The following MCPH1 variants were observed in gnomAD, a reference collection of about 807,000 sequenced individuals.
The protein encoded by MCPH1 is microcephalin.
In MCPH1, 104 loss-of-function variants were observed where a neutral mutation model predicts 84.5. That is an observed-to-expected ratio of 1.23 (90% CI 1.05 to 1.45). The LOEUF is 1.45. Among genes scored for constraint, MCPH1 ranks in the 40% most tolerant of loss-of-function variants. MCPH1 has a pLI of 0.00. For synonymous variants in MCPH1, 514 were observed against 366.8 expected, an observed-to-expected ratio of 1.40 and a Z score of -4.58; for missense variants, 1,498 against 1,005.7, an observed-to-expected ratio of 1.49 and a Z score of -6.62.
chr8:6,438,308 T>A (rs17076868), intron 5 of MCPH1, among the ~76,000 whole-genome samples: 2,124 of 152,288 alleles, frequency 0.014, 32 homozygotes, highest in African/African-American at 0.041. Context: ...AGAACTACAG[T>A]AAGGGTGATT....
chr8:6,428,713 A>T (rs923016651), intron 3 of MCPH1, among the ~76,000 whole-genome samples: 11 of 152,168 alleles, frequency 7.2e-5, no homozygotes, highest in African/African-American at 2.4e-4. Context: ...TTTATGGTGG[A>T]ATCATGTTCC....
intron 12 of MCPH1, among the ~76,000 whole-genome samples, chr8:6,588,341 CTTT>C (rs34760446): frequency 4.6e-4 from 68 of 148,882 alleles, no homozygotes; most frequent in African/African-American, 1.5e-3. Flanking sequence ...TCACTTAAAA[CTTT>C]TTTTTTTTTT....
chr8:6,570,351 T>C (rs1826551919), intron 12 of MCPH1, among the ~76,000 whole-genome samples: 1 of 152,204 alleles, frequency 6.6e-6, no homozygotes, highest in African/African-American at 2.4e-5. Flanking sequence ...GAATTCCCCT[T>C]TGTACAAGGT....
intron 11 of MCPH1, among the ~76,000 whole-genome samples, chr8:6,487,913 T>G (rs991931593): frequency 6.6e-6 from 1 of 152,206 alleles, no homozygotes; most frequent in Non-Finnish European, 1.5e-5. Context: ...TGGGCAAAAA[T>G]AGCTTGTCTG....
chr8:6,414,443 C>A (rs755708623), intron 2 of MCPH1, among the ~76,000 whole-genome samples: 6 of 152,184 alleles, frequency 3.9e-5, no homozygotes, highest in Non-Finnish European at 8.8e-5. Flanking sequence ...CCATTATTAT[C>A]TGACTCTTTC....
intron 11 of MCPH1, among the ~76,000 whole-genome samples, chr8:6,493,516 T>C (rs1810891827): frequency 6.6e-6 from 1 of 152,332 alleles, no homozygotes; most frequent in South Asian, 2.1e-4. Context: ...TTCCCTTTCT[T>C]GGTTGAATAG....
intron 13 of MCPH1, 105 bp downstream of exon 13, chr8:6,621,796 C>A: frequency 6.7e-7 from 1 of 1,488,658 alleles, no homozygotes. Context: ...AGCTGGGGCA[C>A]CTGGGTTGAT....
At chr8:6,623,129 A>G (rs2129580999) in intron 13 of MCPH1, among the ~76,000 whole-genome samples, 1 of 150,442 alleles carries the variant, frequency 6.6e-6, no homozygotes, top group Non-Finnish European at 1.5e-5. Flanking sequence ...CTGGGATTAC[A>G]GGTGTGAGCC....
intron 8 of MCPH1, among the ~76,000 whole-genome samples, chr8:6,451,286 T>C (rs912866528): frequency 1.3e-5 from 2 of 152,226 alleles, no homozygotes; most frequent in Admixed American, 6.5e-5. Flanking sequence ...GATTCATTCA[T>C]TCATTTACAT....
chr8:6,635,898 G>A (rs1797512655), intron 13 of MCPH1, among the ~76,000 whole-genome samples: 1 of 152,260 alleles, frequency 6.6e-6, no homozygotes. Context: ...TTCAGCAGCT[G>A]ATTGCGGTCT....
rs143393335 is a variant in MCPH1 at position 6,444,713 on chromosome 8, C to T, written c.991C>T (p.Arg331Cys). The T allele has an allele frequency of 2.5e-5, 41 of 1,613,908 alleles. No individual in the cohort carries two copies. The highest frequency in any genetic ancestry group is 1.3e-4 in the African/African-American group (10 of 74,910). Residue 331 changes from arginine (R) to cysteine (C), a missense_variant, in exon 8 of 14, where the codon CGT becomes TGT. Physicochemically the swap from Arg to Cys is radical, Grantham distance 180. Coordinates refer to ENST00000344683, the MANE Select transcript of MCPH1 (RefSeq NM_024596.5). ...MSQETFEEKY[R>C]LSPTLSSTKG... is the part of the protein sequence containing the mutation. ...TCAGGAGACGTTTGAAGAGAAGTAT[C>T]GTTTGTCTCCTACCTTATCTTCAAC...
intron 11 of MCPH1, among the ~76,000 whole-genome samples, chr8:6,485,059 G>T (rs563500942): frequency 6.6e-6 from 1 of 152,290 alleles, no homozygotes; most frequent in African/African-American, 2.4e-5. Flanking sequence ...GGGTGCAGTG[G>T]CTCATGCCTG....
At chr8:6,584,468 T>C (rs1245714788) in intron 12 of MCPH1, among the ~76,000 whole-genome samples, 1 of 152,210 alleles carries the variant, frequency 6.6e-6, no homozygotes, top group Non-Finnish European at 1.5e-5. Flanking sequence ...TTTGTTATTT[T>C]AATCTCTGCT....
At chr8:6,577,080 C>T (rs1827187165) in intron 12 of MCPH1, among the ~76,000 whole-genome samples, 1 of 152,196 alleles carries the variant, frequency 6.6e-6, no homozygotes, top group Admixed American at 6.5e-5. Flanking sequence ...GCAAGATACT[C>T]CTTTCAGTCC....
chr8:6,491,086 G>A (rs1810516246), intron 11 of MCPH1, among the ~76,000 whole-genome samples: 1 of 149,956 alleles, frequency 6.7e-6, no homozygotes, highest in Non-Finnish European at 1.5e-5. Context: ...TACTTTTGAA[G>A]CATTGGTTTT....
chr8:6,505,709 G>T (rs1262063226), intron 12 of MCPH1, among the ~76,000 whole-genome samples: 1 of 80,638 alleles, frequency 1.2e-5, no homozygotes. Flanking sequence ...TCTTTATTAC[G>T]TATATATATT....
intron 12 of MCPH1, among the ~76,000 whole-genome samples, chr8:6,617,900 A>ATCTAATCTATCTATCTATCTATCTATCT (rs1554480975): frequency 1.4e-5 from 2 of 143,014 alleles, no homozygotes; most frequent in African/African-American, 5.3e-5. Flanking sequence ...CTATCTATCT[A>ATCTAATCTATCTATCTATCTATCTATCT]ATCTATCTAT....
intron 5 of MCPH1, among the ~76,000 whole-genome samples, chr8:6,438,114 T>C (rs184940685): frequency 1.3e-5 from 2 of 152,382 alleles, no homozygotes; most frequent in Admixed American, 6.5e-5. Flanking sequence ...CACTCTCCTA[T>C]AATTCTTTAT....
intron 7 of MCPH1, 37 bp from the exon 8 acceptor site, chr8:6,444,356 C>T (rs1157599953): frequency 6.2e-7 from 1 of 1,612,670 alleles, no homozygotes; most frequent in Admixed American, 1.7e-5. Context: ...TAATTTAAAC[C>T]ACTTTTAAAA....
Sources: gnomAD v4.1 joint callset for allele counts (sites outside exome capture counted in the v4.1 genomes callset) on GRCh38, gnomAD v4.1.1 for gene constraint, MANE v1.5 for transcripts, NCBI Gene and HGNC (gene_info 2026-07-23, HGNC 2026-07-21) for gene names.